GABRA1: variants seen among roughly 807,000 people sequenced by gnomAD.
GABRA1 encodes the protein gamma-aminobutyric acid receptor subunit alpha-1.
Under a neutral mutation model 48.9 loss-of-function variants are expected in GABRA1, and 9 were observed. The ratio of observed to expected loss-of-function variants is 0.18; its 90% confidence interval spans 0.11 to 0.32. GABRA1 has a LOEUF of 0.32. GABRA1 is among the 10% of genes least tolerant of loss of function. The pLI is 1.00. For synonymous variants in GABRA1, 210 were observed against 198.7 expected (o/e 1.06, Z -0.48); for missense variants, 285 against 553.8 (o/e 0.51, Z 4.87).
rs542836843 is a variant in GABRA1 at position 161,879,884 on chromosome 5, C to T, written c.560-2674C>T. On this transcript the variant is annotated intron_variant, in intron 6 of 9. Transcript: ENST00000393943. ...CCCTCTACAACTATATTAGCAGCTCCGTAACAACACATGACAAAGTATAAA... is the reference window on the plus strand; with the variant it reads ...CCCTCTACAACTATATTAGCAGCTCTGTAACAACACATGACAAAGTATAAA... 3.3e-4 allele frequency among the ~76,000 whole-genome samples: 50 copies of T among 152,082 alleles called. 1 individual carries two copies. Among genetic ancestry groups the T allele is most frequent in the Non-Finnish European group, 2.1e-4 (14 of 68,016 alleles).
chr5:161,870,106 G>A (rs932993370), intron 4 of GABRA1, among the ~76,000 whole-genome samples: 1 of 152,092 alleles, frequency 6.6e-6, no homozygotes, highest in Admixed American at 6.5e-5. Context: ...CACTTCTCAC[G>A]ATTGCAGGGT....
At chr5:161,866,464 G>C (rs1294307796) in intron 4 of GABRA1, among the ~76,000 whole-genome samples, 1 of 151,808 alleles carries the variant, frequency 6.6e-6, no homozygotes, top group Admixed American at 6.6e-5. Context: ...TTCTATATAA[G>C]CAAAACATCA....
chr5:161,850,469 G>A (rs181252817), intron 1 of GABRA1: 94 of 491,314 alleles, frequency 1.9e-4, no homozygotes, highest in African/African-American at 1.7e-3. Flanking sequence ...AACAAGAAGA[G>A]AATAAACCAA....
At chr5:161,890,815 C>T in intron 7 of GABRA1, 83 bp from the exon 8 acceptor site, 1 of 1,257,446 alleles carries the variant, frequency 8.0e-7, no homozygotes, top group South Asian at 1.2e-5. Context: ...AATTCCCAGA[C>T]CTTTGGTACT....
intron 7 of GABRA1, among the ~76,000 whole-genome samples, chr5:161,888,003 A>G (rs1418398989): frequency 6.6e-6 from 1 of 152,130 alleles, no homozygotes; most frequent in Admixed American, 6.6e-5. Flanking sequence ...GTCTAAACAA[A>G]TCTTTAATGC....
chr5:161,885,049 T>A (rs1478187029), intron 7 of GABRA1, among the ~76,000 whole-genome samples: 3 of 152,132 alleles, frequency 2.0e-5, no homozygotes, highest in African/African-American at 7.2e-5. Flanking sequence ...CCACTAGAAG[T>A]CATCATTCTG....
rs545429957 is a variant in GABRA1 at position 161,863,980 on chromosome 5, C to T, written c.188-1741C>T. Among the ~76,000 whole-genome samples the T allele has an allele frequency of 2.3e-3, 348 of 151,936 alleles. 4 individuals are homozygous for T. Among genetic ancestry groups the T allele is most frequent in the Non-Finnish European group, 3.6e-3 (246 of 67,888 alleles). ...TTTTCCAGCCACAGAAACTTCCCCC[C>T]TTGCTGCCCCGCCACTGGACACTTG... On this transcript the variant is annotated intron_variant, in intron 3 of 9. Transcript: ENST00000393943.
chr5:161,890,811 C>T, intron 7 of GABRA1, 87 bp from the exon 8 acceptor site: 1 of 1,234,424 alleles, frequency 8.1e-7, no homozygotes, highest in African/African-American at 1.5e-5. Context: ...GTCTAATTCC[C>T]AGACCTTTGG....
intron 7 of GABRA1, among the ~76,000 whole-genome samples, chr5:161,884,308 A>C (rs1473579492): frequency 6.6e-6 from 1 of 152,152 alleles, no homozygotes; most frequent in Non-Finnish European, 1.5e-5. Context: ...GGCAGTCACT[A>C]CAGATTAAAT....
intron 7 of GABRA1, among the ~76,000 whole-genome samples, chr5:161,889,372 G>A (rs1392886122): frequency 6.6e-6 from 1 of 152,024 alleles, no homozygotes; most frequent in Non-Finnish European, 1.5e-5. Context: ...AGAATACTAA[G>A]GGTAAGAGAG....
chr5:161,848,505 C>CGGGGGGGGGGGGGGGGGGGGG (rs35469580), intron 1 of GABRA1, 83 bp downstream of exon 1: 2 of 30,702 alleles, frequency 6.5e-5, no homozygotes, highest in African/African-American at 3.1e-4. Context: ...ATGTTATAGT[C>CGGGGGGGGGGGGGGGGGGGGG]GGGGGGGGGG....
chr5:161,883,095 G>A (rs1318918426), intron 7 of GABRA1, among the ~76,000 whole-genome samples: 3 of 152,104 alleles, frequency 2.0e-5, no homozygotes, highest in East Asian at 3.9e-4. Context: ...CACAATTCCT[G>A]ACCCATCAAA....
chr5:161,889,441 C>T, intron 7 of GABRA1, among the ~76,000 whole-genome samples: 1 of 151,940 alleles, frequency 6.6e-6, no homozygotes, highest in African/African-American at 2.4e-5. Flanking sequence ...GTTTTGAAGT[C>T]AAATTCATTT....
At chr5:161,877,544 A>C (rs768211623) in intron 6 of GABRA1, among the ~76,000 whole-genome samples, 2 of 152,174 alleles carry the variant, frequency 1.3e-5, no homozygotes, top group Non-Finnish European at 2.9e-5. Context: ...AGTTGGTAAA[A>C]ATGAAAGGAG....
At chr5:161,892,801 G>A (rs1053580069) in intron 8 of GABRA1, among the ~76,000 whole-genome samples, 1 of 151,882 alleles carries the variant, frequency 6.6e-6, no homozygotes, top group East Asian at 1.9e-4. Flanking sequence ...TCAGGAGATC[G>A]AGACCATCCT....
At position 161,875,530 on chromosome 5, in the gene GABRA1, C is replaced by T. The variant is rs41311753; in HGVS notation, c.477-30C>T. 1.1e-3 allele frequency: 1,659 copies of T among 1,549,676 alleles called. 1 individual carries two copies. The highest frequency in any genetic ancestry group is 1.4e-3 in the Non-Finnish European group (1,545 of 1,121,450). On this transcript the variant is annotated intron_variant, in intron 5 of 9. Transcript: ENST00000393943. The stretch of plus-strand genomic sequence containing the variant: ...ATCAAGAAGTATCTAATCTATATGG[C>T]TCTTGTTTGTATTCTATGTTTCCCT...
intron 8 of GABRA1, among the ~76,000 whole-genome samples, chr5:161,894,956 G>A (rs897906267): frequency 6.6e-6 from 1 of 152,056 alleles, no homozygotes; most frequent in African/African-American, 2.4e-5. Context: ...CTGGTGTTCA[G>A]ATGTTGGTAC....
At chr5:161,892,647 T>TA (rs1471659072) in intron 8 of GABRA1, among the ~76,000 whole-genome samples, 17 of 151,476 alleles carry the variant, frequency 1.1e-4, no homozygotes, top group Admixed American at 7.3e-4. Flanking sequence ...TGTATGAGTA[T>TA]GCCTTTTTCT....
intron 4 of GABRA1, among the ~76,000 whole-genome samples, chr5:161,866,487 G>A (rs1753856591): frequency 6.6e-6 from 1 of 151,936 alleles, no homozygotes; most frequent in Non-Finnish European, 1.5e-5. Flanking sequence ...AAGTGGTCAT[G>A]GAAACATACC....
Sources: allele counts gnomAD v4.1 joint callset (sites outside exome capture counted in the v4.1 genomes callset), GRCh38; gene constraint gnomAD v4.1.1; transcripts MANE v1.5; gene names NCBI Gene and HGNC (gene_info 2026-07-23, HGNC 2026-07-21).